Variants in RAB36 observed in about 807,000 individuals in gnomAD.
The protein encoded by RAB36 is RAB36, member RAS oncogene family, also known as ras-related protein Rab-36.
RAB36 carries 33 observed loss-of-function variants against 39.3 expected under a neutral mutation model. The ratio of observed to expected loss-of-function variants is 0.84; its 90% CI spans 0.64 to 1.12. The LOEUF (loss-of-function observed/expected upper bound fraction) is 1.12. Among genes scored for constraint, RAB36 ranks in the 50% most tolerant of loss-of-function variants. The probability of loss-of-function intolerance (pLI) is 0.00; values close to 1 mark genes in which losing one functional copy is unlikely to be tolerated. For synonymous variants in RAB36, 133 were observed against 140.2 expected, an observed-to-expected ratio of 0.95 and a Z score of 0.36; for missense variants, 308 against 355.3, an observed-to-expected ratio of 0.87 and a Z score of 1.07.
chr22:23,145,857 C>T lies in RAB36; in HGVS notation c.-13+306C>T, dbSNP rs145000884. ...AGACAGAGGGGCTGTTGAGGAGGCT[C>T]GAGGAGTCAGAGGCCTGGTGAAGTG... On this transcript the variant is annotated intron_variant, in intron 1 of 10. Transcript: ENST00000263116. The T allele has an allele frequency of 3.1e-3, 1,588 of 510,176 alleles. 6 individuals are homozygous for T. The highest frequency in any genetic ancestry group is 3.8e-3 in the Non-Finnish European group (1,494 of 395,778). The allele number at this position is 510,176 out of a possible 1,614,324, so 31.6% of individuals were successfully genotyped here.
intron 9 of RAB36, 140 bp downstream of exon 9, chr22:23,159,393 C>T (rs371096944): frequency 1.2e-6 from 1 of 823,820 alleles, no homozygotes; most frequent in Non-Finnish European, 1.9e-6. Flanking sequence ...GCATCACAGC[C>T]CTGCTGTGCT....
chr22:23,150,333 G>T (rs1280571506), intron 3 of RAB36, among the ~76,000 whole-genome samples, 179 bp downstream of exon 3: 1 of 137,758 alleles, frequency 7.3e-6, no homozygotes, highest in African/African-American at 2.7e-5. Flanking sequence ...ACAGAGTCTC[G>T]CTCTGTCGCC....
At position 23,146,576 on chromosome 22, in the gene RAB36, A is replaced by T. The variant is rs202208579; in HGVS notation, c.-12-29A>T. 83 of 1,610,880 alleles carry T rather than the reference A, an allele frequency of 5.2e-5. No individual in the cohort carries two copies. The African/African-American group carries it at 9.9e-4, about 19-fold the overall frequency. Reference sequence around the variant, plus strand: ...TCCCCAGGTATTTGCACAGCTCCTTAACTGTCTTTCTCCTGGTTGGGTCCA... The same window carrying T: ...TCCCCAGGTATTTGCACAGCTCCTTTACTGTCTTTCTCCTGGTTGGGTCCA... On this transcript the variant is annotated intron_variant, in intron 1 of 10. Coordinates refer to ENST00000263116, the MANE Select transcript of RAB36 (RefSeq NM_004914.5).
chr22:23,156,147 C>A lies in RAB36; in HGVS notation c.394+115C>A, dbSNP rs200959762. 2.1e-3 allele frequency: 1,785 copies of A among 869,806 alleles called. 4 individuals are homozygous for A. The highest frequency in any genetic ancestry group is 5.2e-3 in the African/African-American group (301 of 57,938). The allele number at this position is 869,806 out of a possible 1,614,324, so 53.9% of individuals were successfully genotyped here. On this transcript the variant is annotated intron_variant, in intron 6 of 10. Coordinates refer to ENST00000263116, the MANE Select transcript of RAB36 (RefSeq NM_004914.5). ...GGCACCAGTTTTTTGTCCTCCAAGA[C>A]CCACTGAGAAAACACCAGGCCACTG...
intron 2 of RAB36, among the ~76,000 whole-genome samples, chr22:23,149,769 C>T (rs547655804): frequency 1.1e-4 from 16 of 152,298 alleles, no homozygotes; most frequent in Admixed American, 3.9e-4. Flanking sequence ...GGGTTGAGAC[C>T]CAGAGCAGAC....
chr22:23,159,099 T>G (rs2246716), intron 8 of RAB36, 64 bp from the exon 9 acceptor site: 798,930 of 1,588,404 alleles, frequency 0.5, 202,384 homozygotes, highest in East Asian at 0.64. Flanking sequence ...GGCAGCTGCC[T>G]ATCCCCCTGG....
intron 6 of RAB36, among the ~76,000 whole-genome samples, chr22:23,156,968 T>G (rs968312863): frequency 1.3e-5 from 2 of 152,192 alleles, no homozygotes; most frequent in East Asian, 1.9e-4. Flanking sequence ...TGGGTCTCCC[T>G]GTAGCCTTCA....
chr22:23,160,896 T>A lies in RAB36; in HGVS notation c.637T>A (p.Phe213Ile). 6.2e-7 allele frequency: 1 copy of A among 1,613,748 alleles called. No individual in the cohort carries two copies. The highest frequency in any genetic ancestry group is 8.5e-7 in the Non-Finnish European group (1 of 1,179,814). Residue 213 changes from phenylalanine to isoleucine, a missense_variant, in exon 10 of 11, where the codon TTC (phenylalanine) becomes ATC (isoleucine). Transcript: ENST00000263116. ...GCCCACAGGCGAGAACGTGAAGGCATTCTTCAGCCGCGTAGCCGCCCTGGC... is the reference window on the plus strand; with the variant it reads ...GCCCACAGGCGAGAACGTGAAGGCAATCTTCAGCCGCGTAGCCGCCCTGGC... ...SAKTGENVKA[F>I]FSRVAALAFE...
chr22:23,162,736 G>A lies in RAB36; in HGVS notation c.*1172G>A, dbSNP rs1276243048. 4 of 456,206 alleles carry A rather than the reference G, an allele frequency of 8.8e-6. No homozygotes were observed. Among genetic ancestry groups the A allele is most frequent in the Non-Finnish European group, 1.3e-5 (3 of 226,956 alleles). 28.3% of individuals were successfully genotyped at this position (456,206 alleles called of 1,614,324 possible). ...CTCGTGCTGTTGCTTCCCGTAGATG[G>A]CGAGCACCTTGCAGGCAGCCTTCTG... On this transcript the variant is annotated 3_prime_UTR_variant, in exon 11 of 11. Coordinates refer to ENST00000263116, the MANE Select transcript of RAB36 (RefSeq NM_004914.5).
chr22:23,167,870 T>C (rs980808245), downstream of RAB36, among the ~76,000 whole-genome samples: 1 of 151,994 alleles, frequency 6.6e-6, no homozygotes, highest in Non-Finnish European at 1.5e-5. Context: ...TCATTTTTTT[T>C]GAGATGGGGT....
In RAB36 at chr22:23,162,935, G is replaced by A; in HGVS notation, c.*1371G>A. ...ATGACTTTTTTTTTTTTTTGAGATG[G>A]AGTTTCACCCTTGTTGCCCAGGCTG... On this transcript the variant is annotated 3_prime_UTR_variant, in exon 11 of 11. Transcript: ENST00000263116. 1 of 342,104 alleles carries A rather than the reference G, an allele frequency of 2.9e-6. No homozygotes were observed. The highest frequency in any genetic ancestry group is 5.7e-6 in the Non-Finnish European group (1 of 174,560). The allele number at this position is 342,104 out of a possible 1,614,324, so 21.2% of individuals were successfully genotyped here.
Position 23,158,934 on chromosome 22 carries a change from A to G in RAB36, c.483A>G (p.Ala161=), listed in dbSNP as rs769245551. ...WLEDALRENE[A]GSCFIFLVGT... ...AGGATGCTCTGAGGGAGAACGAGGC[A>G]GGCTCCTGCTTCATCTTCCTCGTGG... Residue 161 remains alanine, a synonymous_variant, in exon 8 of 11, where the codon GCA becomes GCG. Coordinates refer to ENST00000263116, the MANE Select transcript of RAB36 (RefSeq NM_004914.5). 2.5e-6 allele frequency: 4 copies of G among 1,614,064 alleles called. No individual in the cohort carries two copies. In the South Asian group the frequency reaches 4.4e-5, roughly 18 times the overall value.
At chr22:23,150,985 A>T (rs2071086624) in intron 3 of RAB36, among the ~76,000 whole-genome samples, 1 of 152,212 alleles carries the variant, frequency 6.6e-6, no homozygotes, top group Non-Finnish European at 1.5e-5. Flanking sequence ...CCACTGGCAG[A>T]GGGATTGTGA....
chr22:23,166,561 G>T (rs569884514), downstream of RAB36, among the ~76,000 whole-genome samples: 1 of 152,174 alleles, frequency 6.6e-6, no homozygotes, highest in South Asian at 2.1e-4. Context: ...GCTGGGTCAG[G>T]TTGCCCTTGA....
chr22:23,151,130 G>A (rs774353368), intron 3 of RAB36, among the ~76,000 whole-genome samples: 3 of 152,262 alleles, frequency 2.0e-5, no homozygotes, highest in African/African-American at 4.8e-5. Context: ...GCCAGAGAGC[G>A]CAGCTAGAGG....
At chr22:23,152,577 C>G (rs146980301) in intron 4 of RAB36, 51 bp downstream of exon 4, 1 of 1,559,714 alleles carries the variant, frequency 6.4e-7, no homozygotes, top group Non-Finnish European at 8.8e-7. Flanking sequence ...ACCAGGTTGT[C>G]ATACCTTTGC....
chr22:23,159,053 C>T, intron 8 of RAB36, 74 bp downstream of exon 8: 3 of 1,584,460 alleles, frequency 1.9e-6, no homozygotes, highest in Non-Finnish European at 2.6e-6. Context: ...ATTGGAGGAG[C>T]CATGGGGAGG....
chr22:23,152,982 G>A (rs752909088), intron 4 of RAB36, 51 bp from the exon 5 acceptor site: 18 of 1,307,802 alleles, frequency 1.4e-5, no homozygotes, highest in South Asian at 7.1e-5. Context: ...TGAAGCTTCC[G>A]GGCACATTTC....
At chr22:23,156,565 C>T (rs1389851327) in intron 6 of RAB36, among the ~76,000 whole-genome samples, 2 of 152,196 alleles carry the variant, frequency 1.3e-5, no homozygotes, top group Admixed American at 6.5e-5. Context: ...GATGCCTACC[C>T]CACCTTCCCA....
Sources: allele counts gnomAD v4.1 joint callset (sites outside exome capture counted in the v4.1 genomes callset), GRCh38; gene constraint gnomAD v4.1.1; transcripts MANE v1.5; gene names NCBI Gene and HGNC (gene_info 2026-07-23, HGNC 2026-07-21).